HHAT: variants seen among roughly 807,000 people sequenced by gnomAD.
HHAT encodes hedgehog acyltransferase.
In HHAT, 47 loss-of-function variants were observed where a neutral mutation model predicts 70.8. The observed-to-expected ratio is 0.66, with a 90% CI of 0.53 to 0.85. The LOEUF (loss-of-function observed/expected upper bound fraction) is 0.85. Among genes scored for constraint, HHAT ranks in the 40% least tolerant of loss-of-function variants. The pLI is 0.00. For synonymous variants in HHAT, 228 were observed against 247.6 expected (o/e 0.92, Z 0.74); for missense variants, 609 against 604.8 (o/e 1.01, Z -0.07).
intron 9 of HHAT, among the ~76,000 whole-genome samples, chr1:210,528,671 T>G (rs1211496828): frequency 1.3e-5 from 2 of 152,194 alleles, no homozygotes; most frequent in Non-Finnish European, 2.9e-5. Context: ...TGAGGAATAT[T>G]ATCACTAATC....
intron 10 of HHAT, chr1:210,589,809 C>A (rs562689727): frequency 6.6e-6 from 1 of 152,346 alleles, no homozygotes; most frequent in African/African-American, 2.4e-5. Flanking sequence ...GTCTACCTTG[C>A]TCCATCACAC....
At chr1:210,630,063 G>A (rs756876708) in intron 11 of HHAT, among the ~76,000 whole-genome samples, 14 of 152,106 alleles carry the variant, frequency 9.2e-5, no homozygotes, top group Non-Finnish European at 1.8e-4. Context: ...GGCTGGTCTT[G>A]AACTCCTGAC....
intron 8 of HHAT, among the ~76,000 whole-genome samples, chr1:210,506,783 CAG>C (rs2094863188): frequency 6.6e-6 from 1 of 152,196 alleles, no homozygotes; most frequent in South Asian, 2.1e-4. Context: ...CCAGAGCAGA[CAG>C]AAGCATTGGT....
intron 11 of HHAT, among the ~76,000 whole-genome samples, chr1:210,639,705 A>T (rs1207180605): frequency 6.6e-6 from 1 of 152,180 alleles, no homozygotes; most frequent in African/African-American, 2.4e-5. Flanking sequence ...TATTAACACA[A>T]TGTTGAGTGA....
intron 9 of HHAT, among the ~76,000 whole-genome samples, chr1:210,529,755 A>G (rs1466053195): frequency 6.6e-6 from 1 of 152,188 alleles, no homozygotes. Flanking sequence ...TCTGCACCAC[A>G]GGCGTCTGCT....
chr1:210,643,122 G>A (rs145326059), intron 11 of HHAT, among the ~76,000 whole-genome samples: 3 of 152,266 alleles, frequency 2.0e-5, no homozygotes, highest in African/African-American at 7.2e-5. Flanking sequence ...CCACAGATGT[G>A]TACTACAGCC....
chr1:210,496,010 C>CACAAAAA (rs1553245621), intron 8 of HHAT, among the ~76,000 whole-genome samples: 2 of 67,954 alleles, frequency 2.9e-5, no homozygotes, highest in East Asian at 1.3e-3. Flanking sequence ...AACTCTATCT[C>CACAAAAA]AAAAAAAAAA....
At chr1:210,556,463 C>A (rs572309853) in intron 9 of HHAT, among the ~76,000 whole-genome samples, 1 of 152,348 alleles carries the variant, frequency 6.6e-6, no homozygotes, top group African/African-American at 2.4e-5. Context: ...GTTCCCACTG[C>A]TCCCTGCTGC....
chr1:210,328,902 G>C lies in HHAT; in HGVS notation c.-246G>C. 1.3e-6 allele frequency: 1 copy of C among 772,910 alleles called. No individual in the cohort carries two copies. The highest frequency in any genetic ancestry group is 1.8e-6 in the Non-Finnish European group (1 of 568,438). 47.9% of individuals were successfully genotyped at this position (772,910 alleles called of 1,614,324 possible). ...CCGAGTCCGGGCGCGGAGGGCGCGCGGGCACGGCGGCAGGGGCGTGCTCGG... is the reference window on the plus strand; with the variant it reads ...CCGAGTCCGGGCGCGGAGGGCGCGCCGGCACGGCGGCAGGGGCGTGCTCGG... On this transcript the variant is annotated 5_prime_UTR_variant, in exon 1 of 12. Coordinates refer to ENST00000261458, the MANE Select transcript of HHAT (RefSeq NM_018194.6).
intron 9 of HHAT, among the ~76,000 whole-genome samples, chr1:210,579,477 T>C (rs376389973): frequency 1.3e-5 from 2 of 152,118 alleles, no homozygotes; most frequent in African/African-American, 4.8e-5. Flanking sequence ...ACTTAAACAA[T>C]TGTTAGCAGT....
intron 5 of HHAT, among the ~76,000 whole-genome samples, chr1:210,400,920 G>A (rs572926577): frequency 6.6e-6 from 1 of 152,178 alleles, no homozygotes; most frequent in Non-Finnish European, 1.5e-5. Context: ...GTGGGCATGT[G>A]GGGTGCCAGA....
At chr1:210,654,825 G>A (rs946402726) in intron 11 of HHAT, among the ~76,000 whole-genome samples, 1 of 152,184 alleles carries the variant, frequency 6.6e-6, no homozygotes, top group Non-Finnish European at 1.5e-5. Context: ...TCCTCCCAAG[G>A]GTGATGTCAG....
intron 8 of HHAT, among the ~76,000 whole-genome samples, chr1:210,470,887 CTA>C (rs2094192741): frequency 6.6e-6 from 1 of 152,170 alleles, no homozygotes; most frequent in African/African-American, 2.4e-5. Context: ...GATGGAGATA[CTA>C]TAAATGGTAT....
chr1:210,652,282 G>A (rs1272492598), intron 11 of HHAT, among the ~76,000 whole-genome samples: 1 of 152,166 alleles, frequency 6.6e-6, no homozygotes. Context: ...CTAGCCGAAG[G>A]GTCTTAAGAG....
chr1:210,524,382 G>T (rs891536401), intron 9 of HHAT, among the ~76,000 whole-genome samples: 2 of 152,330 alleles, frequency 1.3e-5, no homozygotes, highest in South Asian at 4.1e-4. Flanking sequence ...TTTTAAGGCA[G>T]CGGGCAACAC....
intron 1 of HHAT, among the ~76,000 whole-genome samples, chr1:210,333,955 C>T (rs1472404276): frequency 6.6e-6 from 1 of 152,074 alleles, no homozygotes; most frequent in African/African-American, 2.4e-5. Context: ...TTACATCTGG[C>T]TGGAACTGCT....
chr1:210,499,297 C>T (rs151284520), intron 8 of HHAT, among the ~76,000 whole-genome samples: 335 of 152,228 alleles, frequency 2.2e-3, no homozygotes, highest in African/African-American at 7.8e-3. Flanking sequence ...AATTGTGGCT[C>T]CTTAATTTTT....
chr1:210,551,805 A>G (rs2095530223), intron 9 of HHAT, among the ~76,000 whole-genome samples: 1 of 152,218 alleles, frequency 6.6e-6, no homozygotes, highest in South Asian at 2.1e-4. Context: ...TAGACGTGCA[A>G]GCCTTGCAGA....
At chr1:210,384,794 T>C (rs2090917333) in intron 3 of HHAT, among the ~76,000 whole-genome samples, 1 of 152,236 alleles carries the variant, frequency 6.6e-6, no homozygotes, top group African/African-American at 2.4e-5. Context: ...CATGTTTGCC[T>C]TGAAATGTGT....
Sources: allele counts gnomAD v4.1 joint callset (sites outside exome capture counted in the v4.1 genomes callset), GRCh38; gene constraint gnomAD v4.1.1; transcripts MANE v1.5; gene names NCBI Gene and HGNC (gene_info 2026-07-23, HGNC 2026-07-21).